CSMD3: variants seen among roughly 807,000 people sequenced by gnomAD.
The protein encoded by CSMD3 is CUB and sushi domain-containing protein 3.
CSMD3 carries 177 observed loss-of-function variants against 435.2 expected under a neutral mutation model. That is an observed-to-expected ratio of 0.41 (90% CI 0.36 to 0.46). CSMD3 has a LOEUF of 0.46. Ranked by LOEUF, CSMD3 falls within the 20% of genes least tolerant of loss-of-function variation. The probability of loss-of-function intolerance (pLI) is 0.34; values close to 1 mark genes in which losing one functional copy is unlikely to be tolerated. For synonymous variants in CSMD3, 1,656 were observed against 1,520.5 expected (o/e 1.09, Z -2.07); for missense variants, 4,265 against 4,504.6 (o/e 0.95, Z 1.52).
At chr8:112,602,432 G>T (rs1350782247) in intron 22 of CSMD3, among the ~76,000 whole-genome samples, 2 of 151,974 alleles carry the variant, frequency 1.3e-5, no homozygotes, top group African/African-American at 2.4e-5. Flanking sequence ...TGGGTGTGGT[G>T]GCGGGTGCCT....
chr8:112,346,197 A>G lies in CSMD3; in HGVS notation c.6342T>C (p.Ala2114=). The part of the protein sequence containing the change: ...IPICLAQCGG[A]MSDFSGVILS... ...GGATCACACCACTGAAGTCTGACAT[A>G]GCACCACCACACTGAGCTGCAAAAT... The change falls in exon 41 of 71, where the codon GCT becomes GCC. Residue 2114 remains alanine (A), a synonymous_variant. Coordinates refer to ENST00000297405, the MANE Select transcript of CSMD3 (RefSeq NM_198123.2). 1.9e-6 allele frequency: 3 copies of G among 1,608,946 alleles called. No homozygotes were observed. Among genetic ancestry groups the G allele is most frequent in the Non-Finnish European group, 2.6e-6 (3 of 1,175,288 alleles).
chr8:112,945,677 A>G (rs2083587811), intron 9 of CSMD3, among the ~76,000 whole-genome samples: 1 of 151,360 alleles, frequency 6.6e-6, no homozygotes, highest in African/African-American at 2.4e-5. Context: ...CAATGTATTT[A>G]AAACAAAACA....
intron 6 of CSMD3, among the ~76,000 whole-genome samples, chr8:112,981,776 A>G (rs1048694583): frequency 1.2e-4 from 18 of 151,862 alleles, no homozygotes; most frequent in African/African-American, 4.1e-4. Context: ...AAATTTTAAT[A>G]AACACACATG....
chr8:112,316,731 C>G (rs1042658065), intron 47 of CSMD3, among the ~76,000 whole-genome samples: 3 of 151,852 alleles, frequency 2.0e-5, no homozygotes, highest in Admixed American at 6.6e-5. Context: ...TGCTCAAAAT[C>G]TCCTAGATTC....
At position 112,604,199 on chromosome 8, in the gene CSMD3, T is replaced by C. The variant is rs1458161254; in HGVS notation, c.3716-16964A>G. 5.9e-5 allele frequency among the ~76,000 whole-genome samples: 9 copies of C among 152,282 alleles called. No individual in the cohort carries two copies. In the South Asian group the frequency reaches 1.0e-3, roughly 18 times the overall value. ...TTACTCATAGTAAATATTCAAAAAG[T>C]TCAGAAGACCTTAAGAACTGTTTGC... On this transcript the variant is annotated intron_variant, in intron 22 of 70. Transcript: ENST00000297405.
At chr8:112,516,422 A>C (rs895310875) in intron 28 of CSMD3, among the ~76,000 whole-genome samples, 3 of 152,160 alleles carry the variant, frequency 2.0e-5, no homozygotes, top group Non-Finnish European at 4.4e-5. Flanking sequence ...TTTATTCCAA[A>C]AGCGGGACAT....
intron 20 of CSMD3, among the ~76,000 whole-genome samples, chr8:112,639,480 T>A (rs924869356): frequency 6.6e-6 from 1 of 152,118 alleles, no homozygotes. Context: ...AGTGTTCAGG[T>A]CAATAGTTTT....
chr8:113,147,603 A>T lies in CSMD3; in HGVS notation c.709+26119T>A, dbSNP rs1221605768. 2.0e-5 allele frequency among the ~76,000 whole-genome samples: 3 copies of T among 151,798 alleles called. No individual in the cohort carries two copies. The East Asian group carries it at 5.9e-4, about 30-fold the overall frequency. On this transcript the variant is annotated intron_variant, in intron 4 of 70. Transcript: ENST00000297405. ...TCCCCTAGATTTCAACTCCAGCTGAAACACTACTGTTCTGTTCTCAGCTCA... is the reference window on the plus strand; with the variant it reads ...TCCCCTAGATTTCAACTCCAGCTGATACACTACTGTTCTGTTCTCAGCTCA...
chr8:112,621,243 AAATT>A (rs1225446860), intron 22 of CSMD3, among the ~76,000 whole-genome samples: 2 of 152,114 alleles, frequency 1.3e-5, no homozygotes, highest in Non-Finnish European at 2.9e-5. Flanking sequence ...CTCAAAAAAT[AAATT>A]AATTAATTAA....
intron 1 of CSMD3, among the ~76,000 whole-genome samples, chr8:113,345,795 A>T (rs185170999): frequency 3.1e-4 from 47 of 152,258 alleles, no homozygotes; most frequent in African/African-American, 1.0e-3. Context: ...CAGGCACAGT[A>T]AGAAGAATCA....
chr8:112,699,943 GA>G (rs1054294772), intron 13 of CSMD3, among the ~76,000 whole-genome samples: 1 of 151,960 alleles, frequency 6.6e-6, no homozygotes, highest in African/African-American at 2.4e-5. Flanking sequence ...TCCTGGACAA[GA>G]AAAAAACATA....
At chr8:113,184,683 T>C (rs149380082) in intron 3 of CSMD3, among the ~76,000 whole-genome samples, 1 of 152,180 alleles carries the variant, frequency 6.6e-6, no homozygotes, top group Non-Finnish European at 1.5e-5. Flanking sequence ...GTCTATCATA[T>C]TGTATGAATG....
intron 38 of CSMD3, among the ~76,000 whole-genome samples, chr8:112,355,693 C>T (rs776792115): frequency 4.6e-5 from 7 of 152,004 alleles, no homozygotes; most frequent in Non-Finnish European, 8.8e-5. Flanking sequence ...ATTAGCCAGG[C>T]GTGGTGGCAG....
At chr8:112,797,256 T>C (rs1454388918) in intron 13 of CSMD3, among the ~76,000 whole-genome samples, 1 of 151,856 alleles carries the variant, frequency 6.6e-6, no homozygotes, top group African/African-American at 2.4e-5. Context: ...CTTCCTACAT[T>C]TGGAGGGAAT....
intron 7 of CSMD3, among the ~76,000 whole-genome samples, chr8:112,962,297 ATAAC>A (rs1176542223): frequency 1.3e-5 from 2 of 151,878 alleles, no homozygotes; most frequent in Admixed American, 6.6e-5. Flanking sequence ...ATGAAAAATG[ATAAC>A]TAATATTTTC....
rs1823581868 is a variant in CSMD3, at chr8:112,327,026, ATAAATAAATAAG to A, written c.7166-7057_7166-7046del. Among the ~76,000 whole-genome samples, 3 of 152,264 alleles carry A rather than the reference ATAAATAAATAAG, an allele frequency of 2.0e-5. No individual in the cohort carries two copies. In the South Asian group the frequency reaches 6.2e-4, roughly 32 times the overall value. ...GACAGAGTGAGACCCTGTCTCAAAA[ATAAATAAATAAG>A]TAAATAAATAAATAAATTGGATATC... On this transcript the variant is annotated intron_variant, in intron 45 of 70. Coordinates refer to ENST00000297405, the MANE Select transcript of CSMD3 (RefSeq NM_198123.2).
At chr8:112,505,153 G>A (rs1387331256) in intron 29 of CSMD3, among the ~76,000 whole-genome samples, 1 of 152,096 alleles carries the variant, frequency 6.6e-6, no homozygotes, top group Admixed American at 6.6e-5. Context: ...GGATAGTGCA[G>A]AGGTTCCCAG....
At chr8:112,395,621 T>C (rs907665670) in intron 35 of CSMD3, among the ~76,000 whole-genome samples, 2 of 152,070 alleles carry the variant, frequency 1.3e-5, no homozygotes, top group African/African-American at 4.8e-5. Context: ...ACTCTTTGCC[T>C]AAGGGGAGTA....
chr8:112,780,260 A>G (rs1464633254), intron 13 of CSMD3, among the ~76,000 whole-genome samples: 2 of 152,114 alleles, frequency 1.3e-5, no homozygotes. Context: ...AATAGTGTAT[A>G]GTTCCCCATT....
Sources: allele counts gnomAD v4.1 joint callset (sites outside exome capture counted in the v4.1 genomes callset), GRCh38; gene constraint gnomAD v4.1.1; transcripts MANE v1.5; gene names NCBI Gene and HGNC (gene_info 2026-07-23, HGNC 2026-07-21).